The following CD83 variants were observed in gnomAD, a reference collection of about 807,000 sequenced individuals.
The protein encoded by CD83 is CD83 antigen.
CD83 carries 22 observed loss-of-function variants against 24.6 expected under a neutral mutation model. The ratio of observed to expected loss-of-function variants is 0.90; its 90% confidence interval spans 0.64 to 1.28. The LOEUF is 1.28. Among genes scored for constraint, CD83 ranks in the 50% most tolerant of loss-of-function variants. The pLI is 0.00. For synonymous variants in CD83, 101 were observed against 103.5 expected, an observed-to-expected ratio of 0.98 and a Z score of 0.14; for missense variants, 253 against 252.8, an observed-to-expected ratio of 1.00 and a Z score of -0.01.
chr6:14,134,357 G>T (rs1199823327), intron 4 of CD83, among the ~76,000 whole-genome samples: 1 of 152,238 alleles, frequency 6.6e-6, no homozygotes, highest in African/African-American at 2.4e-5. Context: ...TTGGTTGCAG[G>T]TTCTGGCTCA....
chr6:14,128,271 CG>C (rs545926169), intron 2 of CD83, among the ~76,000 whole-genome samples: 4 of 152,130 alleles, frequency 2.6e-5, no homozygotes, highest in Non-Finnish European at 4.4e-5. Flanking sequence ...TGCCTGGCCA[CG>C]TATCTGATGA....
At chr6:14,134,572 C>T (rs1317059231) in intron 4 of CD83, among the ~76,000 whole-genome samples, 1 of 152,150 alleles carries the variant, frequency 6.6e-6, no homozygotes, top group Non-Finnish European at 1.5e-5. Context: ...TCACTGTGTC[C>T]CTCTATTCAC....
intron 3 of CD83, among the ~76,000 whole-genome samples, 179 bp from the exon 4 acceptor site, chr6:14,133,470 C>T (rs1322064370): frequency 6.6e-6 from 1 of 152,190 alleles, no homozygotes; most frequent in East Asian, 1.9e-4. Context: ...AGACACAGAG[C>T]GACAGTGCGC....
intron 2 of CD83, among the ~76,000 whole-genome samples, chr6:14,123,171 C>T (rs1347961625): frequency 6.6e-6 from 1 of 151,062 alleles, no homozygotes; most frequent in Non-Finnish European, 1.5e-5. Context: ...GATCTCAGCT[C>T]ACTGCAACCC....
intron 3 of CD83, 100 bp downstream of exon 3, chr6:14,131,848 C>A: frequency 2.6e-6 from 2 of 755,518 alleles, no homozygotes; most frequent in Non-Finnish European, 4.6e-6. Flanking sequence ...AGCTCTAGAG[C>A]TTTGGATCAC....
chr6:14,132,671 C>CAAT (rs1293680978), intron 3 of CD83, among the ~76,000 whole-genome samples: 1 of 151,882 alleles, frequency 6.6e-6, no homozygotes, highest in Non-Finnish European at 1.5e-5. Context: ...ACTGAATGAC[C>CAAT]AATACATATT....
intron 2 of CD83, among the ~76,000 whole-genome samples, chr6:14,130,117 A>T (rs1757852158): frequency 6.6e-6 from 1 of 152,110 alleles, no homozygotes; most frequent in Non-Finnish European, 1.5e-5. Flanking sequence ...TGCTAGGGAC[A>T]GGTAAGGAAT....
intron 2 of CD83, among the ~76,000 whole-genome samples, chr6:14,130,441 C>T (rs921432665): frequency 4.6e-5 from 7 of 152,178 alleles, no homozygotes; most frequent in African/African-American, 7.2e-5. Flanking sequence ...TCACAGAAAG[C>T]AAGCCGCGCA....
At chr6:14,128,484 T>C (rs1759874766) in intron 2 of CD83, among the ~76,000 whole-genome samples, 2 of 152,156 alleles carry the variant, frequency 1.3e-5, no homozygotes, top group South Asian at 2.1e-4. Context: ...GGTTATGAAA[T>C]ATTTCCAGGT....
intron 3 of CD83, among the ~76,000 whole-genome samples, chr6:14,132,914 A>C (rs1201690962): frequency 6.6e-6 from 1 of 152,142 alleles, no homozygotes. Context: ...GCTTCCCCAA[A>C]CAGCACATTG....
In CD83 at chr6:14,118,082, C is replaced by A; in HGVS notation, c.153+17C>A. 1 of 1,569,542 alleles carries A rather than the reference C, an allele frequency of 6.4e-7. No individual in the cohort carries two copies. The highest frequency in any genetic ancestry group is 1.8e-5 in the Admixed American group (1 of 56,778). The stretch of plus-strand genomic sequence containing the variant: ...TGGGTCAAGGTAGGTGCTGCGATAC[C>A]CACGGGCTGGGGTTTGGTGGGCTCA... On this transcript the variant is annotated intron_variant, in intron 2 of 4. Coordinates refer to ENST00000379153, the MANE Select transcript of CD83 (RefSeq NM_004233.4).
chr6:14,119,038 C>CAT (rs913526739), intron 2 of CD83, among the ~76,000 whole-genome samples: 68 of 152,330 alleles, frequency 4.5e-4, no homozygotes, highest in African/African-American at 1.5e-3. Context: ...AGAAACTGTA[C>CAT]GTCTTTGGCC....
upstream of CD83, chr6:14,117,655 G>A (rs1581323194): frequency 4.7e-6 from 2 of 424,078 alleles, no homozygotes; most frequent in East Asian, 3.7e-5. The surrounding 1 kb of genome is among the most constrained non-coding windows in gnomAD (Gnocchi z 4.6). Flanking sequence ...CCCGGCCTAA[G>A]CGGGACTAGG....
chr6:14,120,292 A>G (rs1219489576), intron 2 of CD83, among the ~76,000 whole-genome samples: 1 of 152,204 alleles, frequency 6.6e-6, no homozygotes, highest in African/African-American at 2.4e-5. Context: ...ATTATTTTCC[A>G]GCCCAATAAT....
chr6:14,131,672 G>C lies in CD83; in HGVS notation c.306G>C (p.Ser102=). The change falls in exon 3 of 5, where the codon TCG becomes TCC. Residue 102 remains serine (S), a synonymous_variant. Transcript: ENST00000379153. Reference sequence around the variant, plus strand: ...TCCGAAACACTACCAGCTGCAACTCGGGGACATACAGGTGCACTCTGCAGG... The same window carrying C: ...TCCGAAACACTACCAGCTGCAACTCCGGGACATACAGGTGCACTCTGCAGG... ...LKIRNTTSCN[S]GTYRCTLQDP... The C allele has an allele frequency of 6.2e-7, 1 of 1,614,138 alleles. No homozygotes were observed. Among genetic ancestry groups the C allele is most frequent in the Non-Finnish European group, 8.5e-7 (1 of 1,180,004 alleles).
chr6:14,130,779 T>A (rs1320137219), intron 2 of CD83, among the ~76,000 whole-genome samples: 1 of 152,158 alleles, frequency 6.6e-6, no homozygotes, highest in African/African-American at 2.4e-5. Context: ...CTGGCTAAAT[T>A]GGGCATCTCC....
intron 2 of CD83, among the ~76,000 whole-genome samples, chr6:14,120,496 C>T (rs1759647364): frequency 6.6e-6 from 1 of 152,104 alleles, no homozygotes; most frequent in South Asian, 2.1e-4. Context: ...TTTTGGTAAC[C>T]AGAACCAGCT....
At chr6:14,125,745 C>T (rs1250977173) in intron 2 of CD83, among the ~76,000 whole-genome samples, 3 of 152,182 alleles carry the variant, frequency 2.0e-5, no homozygotes, top group Non-Finnish European at 4.4e-5. Context: ...CCAACATTGC[C>T]TTCAAATCTC....
At chr6:14,132,785 G>A (rs1561832675) in intron 3 of CD83, among the ~76,000 whole-genome samples, 1 of 152,176 alleles carries the variant, frequency 6.6e-6, no homozygotes, top group Admixed American at 6.5e-5. Context: ...GACATCTCTG[G>A]AGATCTAGCC....
Sources: gnomAD v4.1 joint callset for allele counts (sites outside exome capture counted in the v4.1 genomes callset) on GRCh38, gnomAD v4.1.1 for gene constraint, Gnocchi (gnomAD v3.1) non-coding constraint, MANE v1.5 for transcripts, NCBI Gene and HGNC (gene_info 2026-07-23, HGNC 2026-07-21) for gene names.